TRIM5: variants seen among roughly 807,000 people sequenced by gnomAD.
The protein encoded by TRIM5 is tripartite motif containing 5, also known as tripartite motif-containing protein 5.
A neutral mutation model predicts 35.6 loss-of-function variants in TRIM5; 31 were observed. The ratio of observed to expected loss-of-function variants is 0.87; its 90% CI spans 0.65 to 1.18. TRIM5 has a LOEUF of 1.18. Among genes scored for constraint, TRIM5 ranks in the 50% most tolerant of loss-of-function variants. TRIM5 has a pLI of 0.00. For missense variants in TRIM5, 609 were observed against 591.6 expected (o/e 1.03, Z -0.31); for synonymous variants, 243 against 215.6 (o/e 1.13, Z -1.11).
chr11:5,628,096 G>C, the TRIM5 span, among the ~76,000 whole-genome samples: 1 of 152,114 alleles, frequency 6.6e-6, no homozygotes, highest in Non-Finnish European at 1.5e-5. Context: ...GAAGTGGTGG[G>C]GTCATTTCTC....
At position 5,684,987 on chromosome 11, in the gene TRIM5, C is replaced by A. The variant is rs952496700; in HGVS notation, c.-181G>T. The A allele has an allele frequency of 1.3e-5, 2 of 152,142 alleles. No homozygotes were observed. The highest frequency in any genetic ancestry group is 1.3e-4 in the Admixed American group (2 of 15,266). The allele number at this position is 152,142 out of a possible 1,614,324, so 9.4% of individuals were successfully genotyped here. A position where few individuals can be genotyped will look rare whatever the true frequency, so the allele number is the denominator to read the frequency against. On this transcript the variant is annotated 5_prime_UTR_variant, in exon 1 of 8. Coordinates refer to ENST00000380034, the MANE Select transcript of TRIM5 (RefSeq NM_033034.3). The stretch of plus-strand genomic sequence containing the variant: ...TCTGGGGAGAAGAGTGAAGACAGGC[C>A]AGGGAAGACGTGGTTAGGATTCACT...
intron 5 of TRIM5, 44 bp from the exon 6 acceptor site, chr11:5,666,125 T>C: frequency 6.6e-7 from 1 of 1,520,058 alleles, no homozygotes; most frequent in Non-Finnish European, 8.9e-7. Context: ...ACCTTTGACC[T>C]TGTGTCCGTG....
downstream of TRIM5, among the ~76,000 whole-genome samples, chr11:5,658,440 T>C (rs541729921): frequency 5.3e-5 from 8 of 152,296 alleles, no homozygotes; most frequent in East Asian, 1.2e-3. Context: ...ATTTTTCTGA[T>C]ACGTTAAGGC....
the TRIM5 span, among the ~76,000 whole-genome samples, chr11:5,656,068 C>A: frequency 6.6e-6 from 1 of 152,262 alleles, no homozygotes; most frequent in East Asian, 1.9e-4. Context: ...AAAACCTAGG[C>A]AATACCATTC....
At chr11:5,657,657 A>AATATATATTTATATTATATTATAAAT in the TRIM5 span, among the ~76,000 whole-genome samples, 1 of 114,182 alleles carries the variant, frequency 8.8e-6, no homozygotes, top group African/African-American at 3.5e-5. Flanking sequence ...TATTATATAT[A>AATATATATTTATATTATATTATAAAT]ATATATATTT....
chr11:5,656,716 A>G, the TRIM5 span, among the ~76,000 whole-genome samples: 27 of 152,198 alleles, frequency 1.8e-4, no homozygotes, highest in Non-Finnish European at 3.7e-4. Context: ...AAAAAAACCC[A>G]TCATCACTGG....
chr11:5,632,896 G>A, the TRIM5 span: 20 of 1,156,370 alleles, frequency 1.7e-5, no homozygotes, highest in Middle Eastern at 3.2e-4. Flanking sequence ...GCGTGCTCTC[G>A]GCTCACTGCA....
the TRIM5 span, among the ~76,000 whole-genome samples, chr11:5,616,859 C>G: frequency 1.4e-5 from 2 of 142,914 alleles, no homozygotes; most frequent in African/African-American, 5.1e-5. Flanking sequence ...CCTGCCTCAG[C>G]CTCCCAAGTA....
chr11:5,648,375 G>A, the TRIM5 span, among the ~76,000 whole-genome samples: 2 of 151,948 alleles, frequency 1.3e-5, no homozygotes, highest in Non-Finnish European at 2.9e-5. Context: ...GCGTGGTGGC[G>A]GGTGCCTGTA....
chr11:5,612,080 A>G, the TRIM5 span: 5 of 152,340 alleles, frequency 3.3e-5, no homozygotes, highest in South Asian at 4.1e-4. Context: ...TGTTACCACA[A>G]CTTGCTGAAA....
chr11:5,675,394 T>A (rs1041198062), intron 4 of TRIM5, among the ~76,000 whole-genome samples: 1 of 151,976 alleles, frequency 6.6e-6, no homozygotes, highest in African/African-American at 2.4e-5. Context: ...ACGTAGAGCC[T>A]GAGACAAGGA....
At chr11:5,607,053 A>T in the TRIM5 span, among the ~76,000 whole-genome samples, 1 of 151,926 alleles carries the variant, frequency 6.6e-6, no homozygotes. Context: ...AACACAAAAA[A>T]ATTAGCCGGG....
the TRIM5 span, among the ~76,000 whole-genome samples, chr11:5,607,176 C>G: frequency 6.6e-6 from 1 of 152,080 alleles, no homozygotes; most frequent in Non-Finnish European, 1.5e-5. Context: ...TGCACTCCAG[C>G]CTGGGCGACA....
the TRIM5 span, among the ~76,000 whole-genome samples, chr11:5,634,111 C>G: frequency 6.6e-6 from 1 of 152,180 alleles, no homozygotes. Flanking sequence ...CAAAGATAGA[C>G]TCTATGATGA....
At chr11:5,646,639 G>A in the TRIM5 span, among the ~76,000 whole-genome samples, 1 of 151,874 alleles carries the variant, frequency 6.6e-6, no homozygotes, top group African/African-American at 2.4e-5. Flanking sequence ...TCACCCCTAG[G>A]AATGAAAAAA....
At position 5,665,211 on chromosome 11, in the gene TRIM5, G is replaced by A; in HGVS notation, c.1080C>T (p.Tyr360=). The A allele has an allele frequency of 1.9e-6, 3 of 1,614,124 alleles. No individual in the cohort carries two copies. In the South Asian group the frequency reaches 3.3e-5, roughly 18 times the overall value. The change falls in exon 8 of 8, where the codon TAC becomes TAT. Residue 360 remains tyrosine (Y), a synonymous_variant. Coordinates refer to ENST00000380034, the MANE Select transcript of TRIM5 (RefSeq NM_033034.3). ...GSQSITSGKH[Y]WEVDVSKKTA... is the part of the protein sequence containing the mutation. ...TTTTCTTGGACACGTCTACCTCCCA[G>A]TAATGTTTCCCTGATGTGATACTTT... is the stretch of plus-strand genomic sequence containing the variant.
the TRIM5 span, among the ~76,000 whole-genome samples, chr11:5,599,159 T>C: frequency 1.3e-5 from 2 of 152,228 alleles, no homozygotes; most frequent in Non-Finnish European, 2.9e-5. Context: ...AATATGCCAC[T>C]GTATGGATAC....
the TRIM5 span, chr11:5,643,537 G>T: frequency 1.9e-6 from 3 of 1,614,182 alleles, no homozygotes; most frequent in Non-Finnish European, 2.5e-6. Context: ...CCTCCCTGCC[G>T]TGTTGGGGTT....
intron 4 of TRIM5, among the ~76,000 whole-genome samples, chr11:5,674,257 T>C (rs1194546824): frequency 6.6e-6 from 1 of 152,144 alleles, no homozygotes; most frequent in Non-Finnish European, 1.5e-5. Context: ...AATAGTATCA[T>C]AGGAGTCTCT....
Sources: allele counts gnomAD v4.1 joint callset (sites outside exome capture counted in the v4.1 genomes callset), GRCh38; gene constraint gnomAD v4.1.1; transcripts MANE v1.5; gene names NCBI Gene and HGNC (gene_info 2026-07-23, HGNC 2026-07-21).